EFCAB3: variants seen among roughly 807,000 people sequenced by gnomAD.
The protein encoded by EFCAB3 is EF-hand calcium-binding domain-containing protein 3.
Under a neutral mutation model 42.2 loss-of-function variants are expected in EFCAB3, and 36 were observed. The observed-to-expected ratio is 0.85, with a 90% CI of 0.65 to 1.13. EFCAB3 has a LOEUF of 1.13. EFCAB3 is among the 50% of genes most tolerant of loss of function. The pLI is 0.00. For synonymous variants in EFCAB3, 170 were observed against 172.8 expected, an observed-to-expected ratio of 0.98 and a Z score of 0.13; for missense variants, 418 against 505.1, an observed-to-expected ratio of 0.83 and a Z score of 1.65.
Position 62,393,654 on chromosome 17 carries a change from G to C in EFCAB3, c.367+10G>C. 1 of 1,613,158 alleles carries C rather than the reference G, an allele frequency of 6.2e-7. No individual in the cohort carries two copies. Among genetic ancestry groups the C allele is most frequent in the Non-Finnish European group, 8.5e-7 (1 of 1,179,246 alleles). On this transcript the variant is annotated intron_variant, in intron 5 of 9. Transcript: ENST00000305286. ...TTCCTCAAGGCAGTGGGTGAGTAGA[G>C]ATGTTATGAACAGAAGGCAGTTGGG...
At chr17:62,386,671 T>C (rs2070254317) in intron 2 of EFCAB3, among the ~76,000 whole-genome samples, 1 of 152,220 alleles carries the variant, frequency 6.6e-6, no homozygotes, top group Non-Finnish European at 1.5e-5. Flanking sequence ...GTCAGACAAA[T>C]CTGGGTTTGA....
intron 6 of EFCAB3, among the ~76,000 whole-genome samples, chr17:62,400,986 G>A (rs1598017063): frequency 6.6e-6 from 1 of 152,250 alleles, no homozygotes; most frequent in Non-Finnish European, 1.5e-5. Context: ...CATTCTAACT[G>A]GTGTGAGATG....
intron 8 of EFCAB3, among the ~76,000 whole-genome samples, chr17:62,409,519 G>A (rs1000753415): frequency 5.9e-5 from 9 of 151,638 alleles, no homozygotes; most frequent in African/African-American, 1.5e-4. Flanking sequence ...ACTCTAGCCC[G>A]GGCAACATAG....
intron 8 of EFCAB3, 74 bp downstream of exon 8, chr17:62,407,286 G>A (rs2070457229): frequency 1.6e-6 from 2 of 1,274,962 alleles, no homozygotes; most frequent in Non-Finnish European, 2.1e-6. Context: ...CTAATGACAT[G>A]CTTTTTACAA....
intron 6 of EFCAB3, chr17:62,398,105 C>A: frequency 3.2e-6 from 1 of 314,328 alleles, no homozygotes. Flanking sequence ...TCTCTTTTGG[C>A]CCTATACAAA....
chr17:62,398,200 T>C (rs1173737483), intron 6 of EFCAB3: 13 of 182,036 alleles, frequency 7.1e-5, no homozygotes, highest in Non-Finnish European at 1.3e-4. Context: ...ACGTCTGTAA[T>C]TCCAACACTT....
Position 62,413,736 on chromosome 17 carries a change from C to A in EFCAB3, c.872C>A (p.Ala291Glu). The change falls in exon 9 of 10, where the codon GCA becomes GAA. Residue 291 changes from alanine (A) to glutamate (E), a missense_variant. Transcript: ENST00000305286. ...CTTTTTTAAATATGCATAAAGGCAG[C>A]AAATATAAAGTCTATGGACCCTGCC... ...FHKRDWKTQAANIKSMDPASG... is the reference protein window; with the variant it reads ...FHKRDWKTQAENIKSMDPASG... 6.3e-7 allele frequency: 1 copy of A among 1,593,898 alleles called. No individual in the cohort carries two copies. The highest frequency in any genetic ancestry group is 8.5e-7 in the Non-Finnish European group (1 of 1,170,808).
At chr17:62,407,800 C>T (rs78148716) in intron 8 of EFCAB3, among the ~76,000 whole-genome samples, 2,354 of 152,308 alleles carry the variant, frequency 0.015, 76 homozygotes, top group African/African-American at 0.054. Context: ...GCTCTGGCCT[C>T]ACCCCAGGTA....
At chr17:62,403,522 C>T (rs2070422017) in intron 6 of EFCAB3, among the ~76,000 whole-genome samples, 1 of 152,218 alleles carries the variant, frequency 6.6e-6, no homozygotes, top group African/African-American at 2.4e-5. Context: ...CATCACATCA[C>T]TTACCTTCTA....
At chr17:62,392,252 A>G (rs1280244169) in intron 4 of EFCAB3, among the ~76,000 whole-genome samples, 3 of 151,030 alleles carry the variant, frequency 2.0e-5, no homozygotes, top group Non-Finnish European at 4.4e-5. Context: ...TATACACCAC[A>G]CACACACACA....
At chr17:62,373,463 A>G (rs75610680) in intron 1 of EFCAB3, among the ~76,000 whole-genome samples, 1 of 151,336 alleles carries the variant, frequency 6.6e-6, no homozygotes, top group African/African-American at 2.4e-5. Flanking sequence ...AAAAAAAAAA[A>G]TTGTTTAATG....
At chr17:62,404,085 A>G (rs1202185328) in intron 6 of EFCAB3, among the ~76,000 whole-genome samples, 1 of 152,192 alleles carries the variant, frequency 6.6e-6, no homozygotes, top group Non-Finnish European at 1.5e-5. Flanking sequence ...TAGGGCTGTC[A>G]TAAAAAATTA....
intron 1 of EFCAB3, chr17:62,370,330 G>A: frequency 6.4e-7 from 1 of 1,551,558 alleles, no homozygotes; most frequent in South Asian, 1.2e-5. Flanking sequence ...ACGGTGAGGT[G>A]TATGTTTTAT....
chr17:62,388,926 G>A (rs1024417330), intron 3 of EFCAB3, among the ~76,000 whole-genome samples: 1 of 152,190 alleles, frequency 6.6e-6, no homozygotes, highest in African/African-American at 2.4e-5. Context: ...CTCATTTTAA[G>A]GGGTCTATTT....
chr17:62,391,655 G>A (rs77625393), intron 3 of EFCAB3, among the ~76,000 whole-genome samples, 167 bp from the exon 4 acceptor site: 7,929 of 152,106 alleles, frequency 0.052, 877 homozygotes, highest in East Asian at 0.45. Context: ...CAAGTTCCGT[G>A]GAAGGATACT....
In EFCAB3 at chr17:62,400,569, C is replaced by T. The variant is rs184296162; in HGVS notation, c.488+5381C>T. 3.3e-4 allele frequency among the ~76,000 whole-genome samples: 50 copies of T among 152,250 alleles called. 1 individual carries two copies. The South Asian group carries it at 7.3e-3, about 22-fold the overall frequency. ...CAAAGGACATGAACTCATCCTTTTT[C>T]GTGGCTGCATAATATCCCATGGTGT... On this transcript the variant is annotated intron_variant, in intron 6 of 9. Transcript: ENST00000305286.
chr17:62,381,494 G>A (rs552524232), intron 1 of EFCAB3, among the ~76,000 whole-genome samples: 1 of 152,246 alleles, frequency 6.6e-6, no homozygotes, highest in South Asian at 2.1e-4. Flanking sequence ...ACTATGCCAA[G>A]TGGAAAGGCG....
At chr17:62,414,572 G>T (rs59240458) in intron 9 of EFCAB3, among the ~76,000 whole-genome samples, 14,331 of 123,040 alleles carry the variant, frequency 0.12, 1,787 homozygotes, top group East Asian at 0.5. Context: ...TCAGGTGTTT[G>T]TTTGTTTGTT....
chr17:62,395,724 A>G (rs1205515672), intron 6 of EFCAB3, among the ~76,000 whole-genome samples: 1 of 152,188 alleles, frequency 6.6e-6, no homozygotes, highest in Non-Finnish European at 1.5e-5. Context: ...CTCATCCTTT[A>G]AATAAATAAC....
Sources: gnomAD v4.1 joint callset for allele counts (sites outside exome capture counted in the v4.1 genomes callset) on GRCh38, gnomAD v4.1.1 for gene constraint, MANE v1.5 for transcripts, NCBI Gene and HGNC (gene_info 2026-07-23, HGNC 2026-07-21) for gene names.